Variants in CDH13 observed in about 807,000 individuals in gnomAD.
CDH13 encodes cadherin 13, also known as cadherin-13.
CDH13 carries 24 observed loss-of-function variants against 63.8 expected under a neutral mutation model. That is an observed-to-expected ratio of 0.38 (90% CI 0.27 to 0.53). The LOEUF (loss-of-function observed/expected upper bound fraction) is 0.53, where lower values mean the gene tolerates loss of function less well. Ranked by LOEUF, CDH13 falls within the 20% of genes least tolerant of loss-of-function variation. CDH13 has a pLI of 0.85. For missense variants in CDH13, 1,049 were observed against 903.1 expected (o/e 1.16, Z -2.07); for synonymous variants, 503 against 355.3 (o/e 1.42, Z -4.67).
chr16:82,662,718 G>T (rs1411867022), intron 1 of CDH13, among the ~76,000 whole-genome samples: 1 of 152,218 alleles, frequency 6.6e-6, no homozygotes, highest in African/African-American at 2.4e-5. Flanking sequence ...TGCTATAGAA[G>T]GGGGCAGATC....
chr16:83,249,838 A>C (rs945733055), intron 5 of CDH13, among the ~76,000 whole-genome samples: 2 of 152,238 alleles, frequency 1.3e-5, no homozygotes, highest in Non-Finnish European at 2.9e-5. Context: ...TTACCAAAAA[A>C]ACTGCTCATA....
chr16:82,900,270 G>A (rs2041417932), intron 2 of CDH13, among the ~76,000 whole-genome samples: 2 of 152,118 alleles, frequency 1.3e-5, no homozygotes, highest in Non-Finnish European at 2.9e-5. Flanking sequence ...TAGAGAATGT[G>A]AATAAGTGAA....
chr16:83,391,120 C>T (rs565685356), intron 6 of CDH13, among the ~76,000 whole-genome samples: 64 of 152,278 alleles, frequency 4.2e-4, no homozygotes, highest in African/African-American at 1.5e-3. Flanking sequence ...CATCTGCTGC[C>T]CAGGGGGTCC....
At chr16:83,264,516 A>G (rs558281100) in intron 5 of CDH13, among the ~76,000 whole-genome samples, 79 of 148,044 alleles carry the variant, frequency 5.3e-4, no homozygotes, top group Non-Finnish European at 1.0e-3. Flanking sequence ...ATGTGTGTGT[A>G]TATGTATATA....
At chr16:83,044,753 G>A (rs4528558) in intron 3 of CDH13, among the ~76,000 whole-genome samples, 19,590 of 152,208 alleles carry the variant, frequency 0.13, 1,498 homozygotes, top group East Asian at 0.26. Context: ...GGTCGCGGTC[G>A]TGGAGTTGGT....
chr16:83,586,219 G>A (rs1295693060), intron 7 of CDH13, among the ~76,000 whole-genome samples: 2 of 152,192 alleles, frequency 1.3e-5, no homozygotes, highest in African/African-American at 4.8e-5. Context: ...GAACCACAAG[G>A]GAGCGTGATG....
At chr16:82,999,498 C>G (rs1386046378) in intron 2 of CDH13, among the ~76,000 whole-genome samples, 2 of 151,800 alleles carry the variant, frequency 1.3e-5, no homozygotes, top group Non-Finnish European at 2.9e-5. Context: ...TTGATGATAC[C>G]AAGATACGTG....
intron 2 of CDH13, among the ~76,000 whole-genome samples, chr16:82,983,748 C>T (rs1281643583): frequency 6.6e-6 from 1 of 152,084 alleles, no homozygotes; most frequent in Non-Finnish European, 1.5e-5. Context: ...AATATATATG[C>T]CTGCTTCTGT....
intron 3 of CDH13, among the ~76,000 whole-genome samples, chr16:83,056,054 G>T (rs1325164829): frequency 1.3e-5 from 2 of 152,086 alleles, no homozygotes; most frequent in Non-Finnish European, 2.9e-5. Context: ...TATTTAACAG[G>T]CTTTTAACAA....
intron 1 of CDH13, among the ~76,000 whole-genome samples, chr16:82,769,619 A>G (rs2035185574): frequency 6.6e-6 from 1 of 152,210 alleles, no homozygotes; most frequent in Non-Finnish European, 1.5e-5. Context: ...ACCAGGATGA[A>G]TGCTACTTTT....
intron 2 of CDH13, among the ~76,000 whole-genome samples, chr16:82,906,230 C>G (rs1394171095): frequency 1.3e-5 from 2 of 152,076 alleles, no homozygotes; most frequent in Admixed American, 6.5e-5. Flanking sequence ...TGTTCAGGAG[C>G]CCTTTACTAG....
At chr16:82,733,019 A>G (rs1388562976) in intron 1 of CDH13, among the ~76,000 whole-genome samples, 1 of 152,228 alleles carries the variant, frequency 6.6e-6, no homozygotes, top group Non-Finnish European at 1.5e-5. Context: ...AACATAAGGC[A>G]AATGTCAGTA....
At chr16:83,693,180 A>G (rs913692496) in intron 10 of CDH13, among the ~76,000 whole-genome samples, 1 of 152,232 alleles carries the variant, frequency 6.6e-6, no homozygotes, top group Non-Finnish European at 1.5e-5. Flanking sequence ...TCCATCTTCC[A>G]GAAGTGTAAC....
intron 2 of CDH13, among the ~76,000 whole-genome samples, chr16:82,951,854 T>C (rs1905342415): frequency 6.6e-6 from 1 of 152,192 alleles, no homozygotes; most frequent in South Asian, 2.1e-4. Context: ...TCTTCCTAAG[T>C]GTTCCATTTC....
chr16:83,216,417 T>TATATATATATATAC (rs1567513908), intron 4 of CDH13, among the ~76,000 whole-genome samples: 1 of 92,558 alleles, frequency 1.1e-5, no homozygotes, highest in Non-Finnish European at 2.2e-5. Flanking sequence ...TATATATATA[T>TATATATATATATAC]ATATATATAT....
intron 13 of CDH13, among the ~76,000 whole-genome samples, chr16:83,787,227 C>T (rs565356087): frequency 1.3e-5 from 2 of 152,324 alleles, no homozygotes; most frequent in African/African-American, 2.4e-5. Context: ...TCTAATTCAG[C>T]GTTCAGCAAA....
intron 4 of CDH13, among the ~76,000 whole-genome samples, chr16:83,142,160 G>GTTTTTTTTTTTTTTT (rs11445521): frequency 1.0e-4 from 12 of 120,364 alleles, no homozygotes; most frequent in South Asian, 2.7e-4. Context: ...GTTTGTTTTT[G>GTTTTTTTTTTTTTTT]TTTTTTTTTT....
At chr16:82,877,358 G>A (rs931920307) in intron 2 of CDH13, among the ~76,000 whole-genome samples, 1 of 152,184 alleles carries the variant, frequency 6.6e-6, no homozygotes, top group Non-Finnish European at 1.5e-5. Flanking sequence ...CAGTGAAATT[G>A]TTCCTGGTTT....
intron 1 of CDH13, among the ~76,000 whole-genome samples, chr16:82,854,101 A>C (rs2039596649): frequency 6.6e-6 from 1 of 152,228 alleles, no homozygotes; most frequent in Admixed American, 6.5e-5. Context: ...GAATTCTCTT[A>C]AGAAATTAAA....
Sources: gnomAD v4.1 joint callset for allele counts (sites outside exome capture counted in the v4.1 genomes callset) on GRCh38, gnomAD v4.1.1 for gene constraint, MANE v1.5 for transcripts, NCBI Gene and HGNC (gene_info 2026-07-23, HGNC 2026-07-21) for gene names.